Variants in TNRC6A observed in about 807,000 individuals in gnomAD.
TNRC6A encodes the protein trinucleotide repeat containing adaptor 6A, also known as trinucleotide repeat-containing gene 6A protein.
TNRC6A carries 44 observed loss-of-function variants against 221.2 expected under a neutral mutation model. That is an observed-to-expected ratio of 0.20 (90% CI 0.16 to 0.26). The LOEUF is 0.26. TNRC6A is among the 10% of genes least tolerant of loss of function. TNRC6A has a pLI of 1.00. For synonymous variants in TNRC6A, 847 were observed against 838.5 expected, an observed-to-expected ratio of 1.01 and a Z score of -0.18; for missense variants, 2,199 against 2,404.4, an observed-to-expected ratio of 0.91 and a Z score of 1.79.
At chr16:24,759,112 A>G (rs766841314) in intron 4 of TNRC6A, among the ~76,000 whole-genome samples, 2 of 152,216 alleles carry the variant, frequency 1.3e-5, no homozygotes, top group African/African-American at 4.8e-5. Context: ...GAAGGAATGA[A>G]ATGGTTCAAG....
intron 2 of TNRC6A, among the ~76,000 whole-genome samples, chr16:24,672,238 C>T (rs551249771): frequency 3.9e-5 from 6 of 151,956 alleles, no homozygotes; most frequent in Non-Finnish European, 8.8e-5. Context: ...TCTGCTGCCT[C>T]AGCCTCCCCA....
chr16:24,718,559 G>A (rs569632145), intron 2 of TNRC6A, among the ~76,000 whole-genome samples: 326 of 152,154 alleles, frequency 2.1e-3, no homozygotes, highest in Non-Finnish European at 3.5e-3. Flanking sequence ...CACAATATAG[G>A]GATTGTCAGA....
At chr16:24,700,505 G>T (rs547267281) in intron 2 of TNRC6A, among the ~76,000 whole-genome samples, 1 of 151,976 alleles carries the variant, frequency 6.6e-6, no homozygotes, top group Non-Finnish European at 1.5e-5. Flanking sequence ...TCAAAGTTTT[G>T]GGATTATAGG....
At chr16:24,793,845 A>G (rs1007196265) in intron 7 of TNRC6A, among the ~76,000 whole-genome samples, 196 bp downstream of exon 7, 3 of 152,238 alleles carry the variant, frequency 2.0e-5, no homozygotes, top group South Asian at 2.1e-4. Context: ...CTCTTTTCTC[A>G]TATTTCTTAG....
In TNRC6A at chr16:24,818,708, T is replaced by C. The variant is rs749626289; in HGVS notation, c.5080+8T>C. On this transcript the variant is annotated splice_region_variant and intron_variant, in intron 21 of 24. Coordinates refer to ENST00000395799, the MANE Select transcript of TNRC6A (RefSeq NM_014494.4). ...CAGCACAAAGCACTTCAGGTGGGCC[T>C]CGCCTTCGCTCAGGAAGGGAGGGTT... The C allele has an allele frequency of 2.5e-6, 4 of 1,609,954 alleles. No individual in the cohort carries two copies. Among genetic ancestry groups the C allele is most frequent in the South Asian group, 1.1e-5 (1 of 91,006 alleles).
chr16:24,666,588 C>A (rs1156870523), intron 2 of TNRC6A, among the ~76,000 whole-genome samples: 1 of 127,124 alleles, frequency 7.9e-6, no homozygotes, highest in Non-Finnish European at 1.6e-5. Context: ...TGCCAATGAG[C>A]TATTGGCACT....
intron 2 of TNRC6A, among the ~76,000 whole-genome samples, chr16:24,738,628 T>C (rs552301652): frequency 6.6e-6 from 1 of 152,364 alleles, no homozygotes; most frequent in Admixed American, 6.5e-5. Context: ...CTTTATTCCT[T>C]TTTATGGGCA....
chr16:24,742,734 C>T (rs2056919185), intron 2 of TNRC6A, among the ~76,000 whole-genome samples: 2 of 152,090 alleles, frequency 1.3e-5, no homozygotes, highest in South Asian at 4.1e-4. Context: ...CCAGCCTGTC[C>T]AACATGGTGA....
upstream of TNRC6A, among the ~76,000 whole-genome samples, chr16:24,726,587 T>A (rs2056496674): frequency 6.6e-6 from 1 of 152,060 alleles, no homozygotes; most frequent in Non-Finnish European, 1.5e-5. Context: ...GATGGGGATA[T>A]CAGGTTAAAG....
At chr16:24,760,142 C>CT (rs142823789) in intron 4 of TNRC6A, among the ~76,000 whole-genome samples, 3,755 of 152,132 alleles carry the variant, frequency 0.025, 143 homozygotes, top group African/African-American at 0.084. Flanking sequence ...ATTCTTGTTT[C>CT]TTTTTTATTC....
chr16:24,723,061 C>A (rs1198514610), intron 2 of TNRC6A, among the ~76,000 whole-genome samples: 1 of 152,076 alleles, frequency 6.6e-6, no homozygotes, highest in Non-Finnish European at 1.5e-5. Context: ...TAAATTTTGA[C>A]ATGTCAGCCT....
intron 18 of TNRC6A, among the ~76,000 whole-genome samples, chr16:24,810,428 G>A (rs1257690799): frequency 6.6e-6 from 1 of 152,164 alleles, no homozygotes; most frequent in African/African-American, 2.4e-5. Context: ...ACGAAAGTAT[G>A]TCAGCAGCTT....
At chr16:24,634,297 G>T (rs998670194) in intron 1 of TNRC6A, among the ~76,000 whole-genome samples, 1 of 152,064 alleles carries the variant, frequency 6.6e-6, no homozygotes, top group African/African-American at 2.4e-5. Flanking sequence ...AGGCATGGTG[G>T]TGCATGCCCG....
chr16:24,788,263 C>G (rs957222904), intron 5 of TNRC6A, among the ~76,000 whole-genome samples: 2 of 152,154 alleles, frequency 1.3e-5, no homozygotes, highest in African/African-American at 2.4e-5. Context: ...ACATAACTAA[C>G]CATTACTTTT....
chr16:24,714,771 T>C (rs1172071595), intron 2 of TNRC6A, among the ~76,000 whole-genome samples: 1 of 152,152 alleles, frequency 6.6e-6, no homozygotes, highest in Non-Finnish European at 1.5e-5. Flanking sequence ...TTTCTTCTAA[T>C]TTTAGCACCT....
chr16:24,817,904 A>C (rs1314181973), intron 20 of TNRC6A, among the ~76,000 whole-genome samples: 1 of 152,174 alleles, frequency 6.6e-6, no homozygotes, highest in Non-Finnish European at 1.5e-5. Flanking sequence ...GATGGCTCTG[A>C]AAGTCAGTAG....
Position 24,791,753 on chromosome 16 carries a change from A to C in TNRC6A, c.3111A>C (p.Ala1037=). 1 of 1,607,118 alleles carries C rather than the reference A, an allele frequency of 6.2e-7. No individual in the cohort carries two copies. The highest frequency in any genetic ancestry group is 8.5e-7 in the Non-Finnish European group (1 of 1,177,534). The change falls in exon 6 of 25, where the codon GCA becomes GCC. Residue 1037 remains alanine (A), a synonymous_variant. Coordinates refer to ENST00000395799, the MANE Select transcript of TNRC6A (RefSeq NM_014494.4). ...GCAACAGCCGTTCAGACCAGCAAGC[A>C]CAGGTACATCAGCTGCTAACGCCTG... ...PNGNSRSDQQ[A]QVHQLLTPAS...
chr16:24,811,157 C>T (rs1325394257), intron 18 of TNRC6A, among the ~76,000 whole-genome samples: 1 of 152,212 alleles, frequency 6.6e-6, no homozygotes, highest in African/African-American at 2.4e-5. Flanking sequence ...AGGAGCTGAA[C>T]AGGCGACGGT....
chr16:24,626,097 A>G (rs1418612347), intron 1 of TNRC6A, among the ~76,000 whole-genome samples: 1 of 152,000 alleles, frequency 6.6e-6, no homozygotes, highest in Non-Finnish European at 1.5e-5. Context: ...GGTTTGGAGT[A>G]AGAATGCCCT....
Sources: allele counts gnomAD v4.1 joint callset (sites outside exome capture counted in the v4.1 genomes callset), GRCh38; gene constraint gnomAD v4.1.1; transcripts MANE v1.5; gene names NCBI Gene and HGNC (gene_info 2026-07-23, HGNC 2026-07-21).